The following DCLK1 variants were observed in gnomAD, a reference collection of about 807,000 sequenced individuals.
DCLK1 encodes serine/threonine-protein kinase DCLK1.
In DCLK1, 16 loss-of-function variants were observed where a neutral mutation model predicts 86.2. The observed-to-expected ratio is 0.19, with a 90% confidence interval of 0.13 to 0.28. DCLK1 has a LOEUF of 0.28. DCLK1 is among the 10% of genes least tolerant of loss of function. The pLI is 1.00. For synonymous variants in DCLK1, 369 were observed against 370.5 expected (o/e 1.00, Z 0.05); for missense variants, 590 against 940.2 (o/e 0.63, Z 4.87).
rs542612994 is a variant in DCLK1 at position 36,069,702 on chromosome 13, C to T, written c.723+42167G>A. On this transcript the variant is annotated intron_variant, in intron 3 of 16. Transcript: ENST00000360631. ...CACTCAGGTTGTGTCACAACATCAG[C>T]CTTATTTTTGTGTTGCTTTGGAATT... Among the ~76,000 whole-genome samples the T allele has an allele frequency of 5.9e-5, 9 of 152,254 alleles. No individual in the cohort carries two copies. In the South Asian group the frequency reaches 1.9e-3, roughly 32 times the overall value.
At chr13:36,045,058 C>T (rs1459308357) in intron 3 of DCLK1, among the ~76,000 whole-genome samples, 1 of 151,110 alleles carries the variant, frequency 6.6e-6, no homozygotes, top group Non-Finnish European at 1.5e-5. Context: ...TATTCTATTT[C>T]TTAATCTGAG....
chr13:35,940,143 C>A (rs572552193), intron 4 of DCLK1, among the ~76,000 whole-genome samples: 30 of 151,864 alleles, frequency 2.0e-4, no homozygotes, highest in African/African-American at 7.0e-4. Context: ...ATCGCTTGAA[C>A]CTGGGAGGTG....
At chr13:36,085,822 C>A (rs1884574257) in intron 3 of DCLK1, among the ~76,000 whole-genome samples, 1 of 152,128 alleles carries the variant, frequency 6.6e-6, no homozygotes, top group Non-Finnish European at 1.5e-5. Flanking sequence ...GACCCCCTGA[C>A]TCCTGAAGCT....
chr13:35,810,899 C>T lies in DCLK1; in HGVS notation c.1624G>A (p.Gly542Ser), dbSNP rs778673015. ...GTGCCACAGACTGTGTACAGGGGGCCGTCTACAATGGTGGCCAGTCCAAAG... is the reference window on the plus strand; with the variant it reads ...GTGCCACAGACTGTGTACAGGGGGCTGTCTACAATGGTGGCCAGTCCAAAG... Reference protein sequence around the residue: ...GDFGLATIVDGPLYTVCGTPT... With the variant: ...GDFGLATIVDSPLYTVCGTPT... Residue 542 changes from glycine to serine, a missense_variant, in exon 12 of 17, where the codon GGC becomes AGC. Gly to Ser is a moderately conservative substitution (Grantham distance 56, BLOSUM62 0). Around this residue, in one of 6 missense-constraint regions of DCLK1, gnomAD observed 28 missense variants for 77.1 expected, o/e 0.36. Coordinates refer to ENST00000360631, the MANE Select transcript of DCLK1 (RefSeq NM_001330071.2). 2.7e-5 allele frequency: 44 copies of T among 1,613,852 alleles called. No homozygotes were observed. The highest frequency in any genetic ancestry group is 4.0e-5 in the African/African-American group (3 of 74,886).
intron 3 of DCLK1, among the ~76,000 whole-genome samples, chr13:36,090,332 G>A (rs748651650): frequency 2.0e-5 from 3 of 152,182 alleles, no homozygotes; most frequent in Non-Finnish European, 4.4e-5. Context: ...CCCCCGAGGA[G>A]CCCTTCTTCT....
At chr13:35,907,955 T>C (rs1415589109) in intron 4 of DCLK1, among the ~76,000 whole-genome samples, 1 of 151,940 alleles carries the variant, frequency 6.6e-6, no homozygotes, top group Non-Finnish European at 1.5e-5. Context: ...AGTTTAAAAA[T>C]AACAGTTCTA....
chr13:36,012,206 T>A (rs1223722094), intron 3 of DCLK1, among the ~76,000 whole-genome samples: 1 of 138,954 alleles, frequency 7.2e-6, no homozygotes, highest in Non-Finnish European at 1.5e-5. Context: ...GTCTTTTAAT[T>A]GGAGAATTTA....
chr13:35,920,821 A>G (rs1810913453), intron 4 of DCLK1, among the ~76,000 whole-genome samples: 1 of 151,960 alleles, frequency 6.6e-6, no homozygotes, highest in Non-Finnish European at 1.5e-5. Context: ...CTCCTTCCCA[A>G]TTGCTTCTCC....
chr13:36,109,461 T>C (rs1456316006), intron 3 of DCLK1, among the ~76,000 whole-genome samples: 1 of 152,222 alleles, frequency 6.6e-6, no homozygotes, highest in East Asian at 1.9e-4. Flanking sequence ...CTGTGTGGTC[T>C]TGTGCATGTT....
intron 4 of DCLK1, among the ~76,000 whole-genome samples, chr13:35,881,098 C>CG (rs1872870246): frequency 6.6e-6 from 1 of 152,090 alleles, no homozygotes; most frequent in South Asian, 2.1e-4. Context: ...AGCAACATGC[C>CG]GGGGAAAAAC....
At chr13:36,093,985 C>G (rs1279317807) in intron 3 of DCLK1, among the ~76,000 whole-genome samples, 1 of 152,076 alleles carries the variant, frequency 6.6e-6, no homozygotes, top group African/African-American at 2.4e-5. Flanking sequence ...AACTCCTGGA[C>G]TCCAGTGATC....
chr13:36,027,143 C>T (rs755115557), intron 3 of DCLK1, among the ~76,000 whole-genome samples: 19 of 152,074 alleles, frequency 1.2e-4, no homozygotes, highest in South Asian at 2.1e-4. Context: ...TTTTTGGAAC[C>T]GGGGACCAGT....
At chr13:35,837,540 C>T (rs1032138824) in intron 7 of DCLK1, among the ~76,000 whole-genome samples, 3 of 152,098 alleles carry the variant, frequency 2.0e-5, no homozygotes, top group Non-Finnish European at 2.9e-5. Context: ...CCCAAATTTA[C>T]AAAACAGCTC....
At chr13:36,017,504 G>A (rs186875991) in intron 3 of DCLK1, among the ~76,000 whole-genome samples, 1 of 152,248 alleles carries the variant, frequency 6.6e-6, no homozygotes, top group Admixed American at 6.5e-5. Context: ...CGTATGACTC[G>A]ATAGCTAATG....
At chr13:35,826,961 G>T (rs1330854452) in intron 10 of DCLK1, among the ~76,000 whole-genome samples, 1 of 152,206 alleles carries the variant, frequency 6.6e-6, no homozygotes, top group Non-Finnish European at 1.5e-5. Flanking sequence ...TCATGAAAAT[G>T]AAGCATGCCA....
intron 16 of DCLK1, among the ~76,000 whole-genome samples, chr13:35,790,619 C>T (rs7995214): frequency 0.32 from 48,303 of 151,936 alleles, 8,237 homozygotes; most frequent in African/African-American, 0.43. Flanking sequence ...TATGCTGAAA[C>T]CAGTTTTTGT....
intron 3 of DCLK1, among the ~76,000 whole-genome samples, chr13:36,027,629 ATGAGT>A (rs1882095637): frequency 6.6e-6 from 1 of 152,202 alleles, no homozygotes; most frequent in South Asian, 2.1e-4. Context: ...TACAGAAGAG[ATGAGT>A]TAAGTATTTA....
At chr13:35,826,987 A>G (rs891045557) in intron 10 of DCLK1, among the ~76,000 whole-genome samples, 1 of 152,236 alleles carries the variant, frequency 6.6e-6, no homozygotes, top group African/African-American at 2.4e-5. Context: ...TAAAACTTCT[A>G]CTTCCCGAAA....
chr13:35,994,141 G>A (rs1270511528), intron 3 of DCLK1, among the ~76,000 whole-genome samples: 3 of 151,952 alleles, frequency 2.0e-5, no homozygotes, highest in African/African-American at 7.3e-5. Flanking sequence ...TTTAGCAGGA[G>A]TAGGTTGGGG....
Sources: allele counts gnomAD v4.1 joint callset (sites outside exome capture counted in the v4.1 genomes callset), GRCh38; gene constraint gnomAD v4.1.1; regional missense constraint gnomAD v4.1.1; transcripts MANE v1.5; gene names NCBI Gene and HGNC (gene_info 2026-07-23, HGNC 2026-07-21).